The following SEC14L1 variants were observed in gnomAD, a reference collection of about 807,000 sequenced individuals.
The protein encoded by SEC14L1 is SEC14 like lipid binding 1.
Under a neutral mutation model 85.3 loss-of-function variants are expected in SEC14L1, and 48 were observed. The ratio of observed to expected loss-of-function variants is 0.56; its 90% CI spans 0.45 to 0.72. The LOEUF (loss-of-function observed/expected upper bound fraction) is 0.72. SEC14L1 is among the 30% of genes least tolerant of loss of function. The pLI is 0.00. For synonymous variants in SEC14L1, 391 were observed against 355.5 expected, an observed-to-expected ratio of 1.10 and a Z score of -1.12; for missense variants, 682 against 921.4, an observed-to-expected ratio of 0.74 and a Z score of 3.36.
intron 8 of SEC14L1, 142 bp from the exon 9 acceptor site, chr17:77,200,342 T>C (rs1350151918): frequency 4.9e-6 from 3 of 609,852 alleles, no homozygotes; most frequent in Non-Finnish European, 8.4e-6. Context: ...CTGATTTTTG[T>C]ATTTTTAGTA....
intron 3 of SEC14L1, among the ~76,000 whole-genome samples, chr17:77,150,287 G>T (rs117799049): frequency 0.012 from 1,829 of 152,310 alleles, 22 homozygotes; most frequent in South Asian, 0.046. Context: ...TGCTAGGCCA[G>T]TGACTAGTGT....
intron 9 of SEC14L1, among the ~76,000 whole-genome samples, chr17:77,201,220 C>T (rs1441018152): frequency 6.6e-6 from 1 of 152,044 alleles, no homozygotes; most frequent in Non-Finnish European, 1.5e-5. Flanking sequence ...CCTTCCATAC[C>T]CTGCCTTGCA....
Position 77,215,004 on chromosome 17 carries a change from G to A in SEC14L1, c.*981G>A, listed in dbSNP as rs1246412814. 8.1e-6 allele frequency: 8 copies of A among 985,338 alleles called. No homozygotes were observed. The highest frequency in any genetic ancestry group is 8.4e-6 in the Non-Finnish European group (7 of 830,036). 61.0% of individuals were successfully genotyped at this position (985,338 alleles called of 1,614,324 possible). Reference sequence around the variant, plus strand: ...GCAGCAGCTCTCGCATCCACTTCAGGGTGGCGTGTGGCATGTAGGAGTCCT... The same window carrying A: ...GCAGCAGCTCTCGCATCCACTTCAGAGTGGCGTGTGGCATGTAGGAGTCCT... On this transcript the variant is annotated 3_prime_UTR_variant, in exon 17 of 17. Coordinates refer to ENST00000436233, the MANE Select transcript of SEC14L1 (RefSeq NM_001143998.2).
intron 3 of SEC14L1, among the ~76,000 whole-genome samples, chr17:77,165,175 G>A (rs1974231612): frequency 6.6e-6 from 1 of 152,124 alleles, no homozygotes; most frequent in Admixed American, 6.5e-5. Flanking sequence ...AGTATACGTA[G>A]CTAATCAATG....
At chr17:77,113,139 T>C (rs1014618319) in intron 3 of SEC14L1, among the ~76,000 whole-genome samples, 3 of 151,954 alleles carry the variant, frequency 2.0e-5, no homozygotes, top group African/African-American at 7.3e-5. Flanking sequence ...AGCCCAGACA[T>C]TAGAGCAAGA....
chr17:77,148,379 C>T (rs547449500), intron 3 of SEC14L1, among the ~76,000 whole-genome samples: 2 of 152,244 alleles, frequency 1.3e-5, no homozygotes, highest in African/African-American at 2.4e-5. Flanking sequence ...CTCATTGTGA[C>T]CAGTGGGAAC....
At chr17:77,187,311 C>T (rs753923363) in intron 3 of SEC14L1, among the ~76,000 whole-genome samples, 19 of 152,056 alleles carry the variant, frequency 1.2e-4, no homozygotes, top group Non-Finnish European at 2.2e-4. Flanking sequence ...ACCACAGGGG[C>T]AGGCACTGGG....
chr17:77,104,419 C>T (rs1598222203), intron 3 of SEC14L1, among the ~76,000 whole-genome samples: 1 of 111,810 alleles, frequency 8.9e-6, no homozygotes, highest in Admixed American at 1.1e-4. Context: ...CTGCGCCCGG[C>T]CTTGTGTTTA....
In SEC14L1 at chr17:77,212,455, C is replaced by T. The variant is rs543844016; in HGVS notation, c.1863+254C>T. 3.9e-4 allele frequency among the ~76,000 whole-genome samples: 60 copies of T among 152,286 alleles called. No individual in the cohort carries two copies. The South Asian group carries it at 8.9e-3, about 23-fold the overall frequency. ...AGCCTGTGACAGGAAGGGAAGGCAT[C>T]GCACGCACGGGCCCAGCTGGGCTTC... On this transcript the variant is annotated intron_variant, in intron 15 of 16. Coordinates refer to ENST00000436233, the MANE Select transcript of SEC14L1 (RefSeq NM_001143998.2).
chr17:77,109,532 C>T (rs927526935), intron 3 of SEC14L1, among the ~76,000 whole-genome samples: 1 of 152,222 alleles, frequency 6.6e-6, no homozygotes, highest in Non-Finnish European at 1.5e-5. Context: ...AGTCAGATAA[C>T]AACTCAGTGT....
At chr17:77,105,139 G>C (rs780633432) in intron 3 of SEC14L1, among the ~76,000 whole-genome samples, 1 of 152,034 alleles carries the variant, frequency 6.6e-6, no homozygotes, top group Non-Finnish European at 1.5e-5. Context: ...TGAGCAGGGG[G>C]GCGACTTTGA....
chr17:77,099,626 A>G (rs1204775132), intron 3 of SEC14L1, among the ~76,000 whole-genome samples: 1 of 152,134 alleles, frequency 6.6e-6, no homozygotes, highest in Non-Finnish European at 1.5e-5. Context: ...GTGTGGTGGC[A>G]CACTCCTGTA....
At chr17:77,097,432 C>T (rs1379507295) in intron 3 of SEC14L1, among the ~76,000 whole-genome samples, 2 of 152,118 alleles carry the variant, frequency 1.3e-5, no homozygotes, top group Non-Finnish European at 2.9e-5. Flanking sequence ...GGCGTAGTGG[C>T]GCACGCCTGT....
At chr17:77,199,926 T>C (rs1217152136) in intron 8 of SEC14L1, among the ~76,000 whole-genome samples, 1 of 152,188 alleles carries the variant, frequency 6.6e-6, no homozygotes, top group Non-Finnish European at 1.5e-5. Context: ...CCCAACACTT[T>C]GGGAGGCCAA....
intron 3 of SEC14L1, among the ~76,000 whole-genome samples, chr17:77,101,202 A>T (rs1230537731): frequency 1.3e-5 from 2 of 151,148 alleles, no homozygotes; most frequent in African/African-American, 2.4e-5. Flanking sequence ...TTTGAGACAG[A>T]GTCTCGCCCT....
intron 2 of SEC14L1, 125 bp from the exon 3 acceptor site, chr17:77,143,442 C>A (rs1973145320): frequency 7.0e-6 from 4 of 568,208 alleles, no homozygotes; most frequent in Middle Eastern, 3.7e-4. Context: ...TTTTTGTGTG[C>A]ATAGAATTAT....
chr17:77,200,452 C>A, intron 8 of SEC14L1, 32 bp from the exon 9 acceptor site: 2 of 1,589,868 alleles, frequency 1.3e-6, no homozygotes, highest in Non-Finnish European at 1.7e-6. Context: ...CAACTTTTAA[C>A]ATTGCTTAGA....
At chr17:77,187,307 G>A (rs1036714796) in intron 3 of SEC14L1, among the ~76,000 whole-genome samples, 1 of 152,056 alleles carries the variant, frequency 6.6e-6, no homozygotes, top group Non-Finnish European at 1.5e-5. Context: ...GCCGACCACA[G>A]GGGCAGGCAC....
At chr17:77,168,061 A>T (rs1974362805) in intron 3 of SEC14L1, among the ~76,000 whole-genome samples, 1 of 152,104 alleles carries the variant, frequency 6.6e-6, no homozygotes, top group Non-Finnish European at 1.5e-5. Flanking sequence ...TAAGACTTAA[A>T]CTTTTTCTAA....
Sources: gnomAD v4.1 joint callset for allele counts (sites outside exome capture counted in the v4.1 genomes callset) on GRCh38, gnomAD v4.1.1 for gene constraint, MANE v1.5 for transcripts, NCBI Gene and HGNC (gene_info 2026-07-23, HGNC 2026-07-21) for gene names.